The following ADCY2 variants were observed in gnomAD, a reference collection of about 807,000 sequenced individuals.
ADCY2 encodes adenylate cyclase 2.
In ADCY2, 31 loss-of-function variants were observed where a neutral mutation model predicts 125.2. That is an observed-to-expected ratio of 0.25 (90% CI 0.19 to 0.33). The LOEUF (loss-of-function observed/expected upper bound fraction) is 0.33, where lower values mean the gene tolerates loss of function less well. Ranked by LOEUF, ADCY2 falls within the 10% of genes least tolerant of loss-of-function variation. The pLI, the probability that ADCY2 is intolerant of heterozygous loss-of-function variation, is 1.00. For synonymous variants in ADCY2, 512 were observed against 548.4 expected, an observed-to-expected ratio of 0.93 and a Z score of 0.93; for missense variants, 904 against 1,418.2, an observed-to-expected ratio of 0.64 and a Z score of 5.82.
In ADCY2 at chr5:7,519,136, A is replaced by G. The variant is rs138985188; in HGVS notation, c.409-1602A>G. Among the ~76,000 whole-genome samples the G allele has an allele frequency of 4.5e-3, 685 of 152,320 alleles. 20 individuals carry two copies. The highest frequency in any genetic ancestry group is 0.039 in the Admixed American group (597 of 15,302). ...GTGCTCTTTTGTGTATGACAATTAC[A>G]TAAATACAGCTGATCAGACACCACC... On this transcript the variant is annotated intron_variant, in intron 2 of 24. Coordinates refer to ENST00000338316, the MANE Select transcript of ADCY2 (RefSeq NM_020546.3).
intron 18 of ADCY2, among the ~76,000 whole-genome samples, chr5:7,780,380 C>T (rs1743880358): frequency 6.6e-6 from 1 of 152,038 alleles, no homozygotes; most frequent in South Asian, 2.1e-4. Flanking sequence ...ACTGACGATT[C>T]CTGAGGATTT....
chr5:7,600,190 GA>G (rs1299831871), intron 3 of ADCY2, among the ~76,000 whole-genome samples: 1 of 152,188 alleles, frequency 6.6e-6, no homozygotes, highest in Non-Finnish European at 1.5e-5. Context: ...TAGAGATAAA[GA>G]GGGAAGGCAT....
intron 15 of ADCY2, among the ~76,000 whole-genome samples, chr5:7,754,940 G>A (rs1197016071): frequency 6.6e-6 from 1 of 152,084 alleles, no homozygotes; most frequent in Admixed American, 6.6e-5. Flanking sequence ...TGTGTTTTGT[G>A]ATATTAGTAT....
rs539336302 is a variant in ADCY2 at position 7,524,599 on chromosome 5, A to G, written c.570+3700A>G. 1.1e-4 allele frequency among the ~76,000 whole-genome samples: 16 copies of G among 152,338 alleles called. No individual in the cohort carries two copies. In the South Asian group the frequency reaches 1.7e-3, roughly 16 times the overall value. The stretch of plus-strand genomic sequence containing the variant: ...AATTCTTTAGTGGTTCTTTGGCCCT[A>G]TGATCCTAACACTTTTGAAGATTGC... On this transcript the variant is annotated intron_variant, in intron 3 of 24. Coordinates refer to ENST00000338316, the MANE Select transcript of ADCY2 (RefSeq NM_020546.3).
rs549617959 is a variant in ADCY2 at position 7,621,176 on chromosome 5, C to A, written c.571-4991C>A. ...ATGTTTTCTTCTCAGGTGAAATAAT[C>A]CTCAGAGGGGTCACACTTGTGCCTC... On this transcript the variant is annotated intron_variant, in intron 3 of 24. Coordinates refer to ENST00000338316, the MANE Select transcript of ADCY2 (RefSeq NM_020546.3). Among the ~76,000 whole-genome samples the A allele has an allele frequency of 2.1e-4, 32 of 152,278 alleles. No homozygotes were observed. In the South Asian group the frequency reaches 3.9e-3, roughly 19 times the overall value.
At chr5:7,560,027 T>C (rs755935221) in intron 3 of ADCY2, among the ~76,000 whole-genome samples, 2 of 152,194 alleles carry the variant, frequency 1.3e-5, no homozygotes, top group Non-Finnish European at 2.9e-5. Flanking sequence ...AATAATCAGT[T>C]GTGGTTTATT....
intron 20 of ADCY2, chr5:7,793,765 G>A (rs1400161687): frequency 6.6e-6 from 1 of 152,236 alleles, no homozygotes; most frequent in Non-Finnish European, 1.5e-5. Flanking sequence ...TGTGTACATA[G>A]GGACCTGTCT....
intron 2 of ADCY2, among the ~76,000 whole-genome samples, chr5:7,509,709 A>G (rs1276106460): frequency 6.6e-6 from 1 of 152,228 alleles, no homozygotes; most frequent in Non-Finnish European, 1.5e-5. Flanking sequence ...GCTTAATAAT[A>G]TAACATTTAA....
chr5:7,522,887 C>G (rs1413255892), intron 3 of ADCY2, among the ~76,000 whole-genome samples: 4 of 151,200 alleles, frequency 2.6e-5, no homozygotes, highest in Admixed American at 6.6e-5. Context: ...GATCGCGCCA[C>G]TGCACTCCAG....
At chr5:7,563,096 A>T (rs763608806) in intron 3 of ADCY2, among the ~76,000 whole-genome samples, 2 of 152,146 alleles carry the variant, frequency 1.3e-5, no homozygotes, top group African/African-American at 2.4e-5. Context: ...CATATTTGGG[A>T]TCTACTTATG....
In ADCY2 at chr5:7,654,092, G is replaced by C. The variant is rs186614925; in HGVS notation, c.720+27776G>C. On this transcript the variant is annotated intron_variant, in intron 4 of 24. Coordinates refer to ENST00000338316, the MANE Select transcript of ADCY2 (RefSeq NM_020546.3). ...AGTAGCATTTACCACCCTGAGGCTG[G>C]GCGCAGTCACCACGGGACTCCTGAC... is the stretch of plus-strand genomic sequence containing the variant. The C allele has an allele frequency of 2.2e-3, 1,004 of 456,202 alleles. 11 individuals are homozygous for C. The highest frequency in any genetic ancestry group is 0.018 in the African/African-American group (927 of 50,178). The allele number at this position is 456,202 out of a possible 1,614,324, so 28.3% of individuals were successfully genotyped here. A position where few individuals can be genotyped will look rare whatever the true frequency, so the allele number is the denominator to read the frequency against.
At chr5:7,638,785 C>G (rs1236329239) in intron 4 of ADCY2, among the ~76,000 whole-genome samples, 1 of 152,176 alleles carries the variant, frequency 6.6e-6, no homozygotes, top group Non-Finnish European at 1.5e-5. Flanking sequence ...AAACTAGACT[C>G]TGAAATCTTT....
At chr5:7,768,038 A>AG (rs1223783440) in intron 17 of ADCY2, among the ~76,000 whole-genome samples, 1 of 149,994 alleles carries the variant, frequency 6.7e-6, no homozygotes, top group Non-Finnish European at 1.5e-5. Flanking sequence ...CTCAAAAAGA[A>AG]AAAAAAAAAG....
Position 7,706,641 on chromosome 5 carries a change from C to T in ADCY2, c.1110-103C>T, listed in dbSNP as rs138459626. The stretch of plus-strand genomic sequence containing the variant: ...TAGGAAGGTTTATGGTCATTTCCGA[C>T]AGTTTGAAAAATTCTGAATAATAAA... On this transcript the variant is annotated intron_variant, in intron 7 of 24. Coordinates refer to ENST00000338316, the MANE Select transcript of ADCY2 (RefSeq NM_020546.3). 3,786 of 1,377,704 alleles carry T rather than the reference C, an allele frequency of 2.7e-3. 41 individuals carry two copies. Among genetic ancestry groups the T allele is most frequent in the Middle Eastern group, 0.026 (145 of 5,474 alleles). The allele number at this position is 1,377,704 out of a possible 1,614,324, so 85.3% of individuals were successfully genotyped here.
At chr5:7,816,601 G>A (rs573022508) in intron 22 of ADCY2, among the ~76,000 whole-genome samples, 7 of 152,310 alleles carry the variant, frequency 4.6e-5, no homozygotes, top group South Asian at 2.1e-4. Flanking sequence ...CAGGTTCCCC[G>A]TGGTCAGCCT....
intron 2 of ADCY2, among the ~76,000 whole-genome samples, chr5:7,481,597 G>T (rs1458276113): frequency 2.0e-5 from 3 of 152,090 alleles, no homozygotes; most frequent in African/African-American, 7.2e-5. Context: ...ATGCCTATTA[G>T]CCATTTGTAC....
At chr5:7,587,818 A>G (rs796346154) in intron 3 of ADCY2, among the ~76,000 whole-genome samples, 83 of 152,326 alleles carry the variant, frequency 5.4e-4, no homozygotes, top group African/African-American at 1.9e-3. Context: ...AGAAGAGGAT[A>G]GGGAAACGTT....
At chr5:7,552,860 C>A (rs994725845) in intron 3 of ADCY2, among the ~76,000 whole-genome samples, 29 of 152,226 alleles carry the variant, frequency 1.9e-4, no homozygotes, top group African/African-American at 6.7e-4. Flanking sequence ...TCTGATAATA[C>A]ATTATTTATT....
intron 17 of ADCY2, among the ~76,000 whole-genome samples, chr5:7,770,434 C>G (rs1347990016): frequency 6.6e-6 from 1 of 152,170 alleles, no homozygotes; most frequent in Non-Finnish European, 1.5e-5. Flanking sequence ...TTAATTATAA[C>G]AGTGGTTTTC....
Sources: allele counts gnomAD v4.1 joint callset (sites outside exome capture counted in the v4.1 genomes callset), GRCh38; gene constraint gnomAD v4.1.1; transcripts MANE v1.5; gene names NCBI Gene and HGNC (gene_info 2026-07-23, HGNC 2026-07-21).